Variants in KLRG1 observed in about 807,000 individuals in gnomAD.
The protein encoded by KLRG1 is killer cell lectin like receptor G1.
Under a neutral mutation model 21.8 loss-of-function variants are expected in KLRG1, and 16 were observed. That is an observed-to-expected ratio of 0.73 (90% CI 0.50 to 1.11). The LOEUF is 1.11. Among genes scored for constraint, KLRG1 ranks in the 50% most tolerant of loss-of-function variants. The probability of loss-of-function intolerance (pLI) is 0.00; values close to 1 mark genes in which losing one functional copy is unlikely to be tolerated. For synonymous variants in KLRG1, 69 were observed against 75.9 expected (o/e 0.91, Z 0.47); for missense variants, 173 against 218.3 (o/e 0.79, Z 1.31).
the KLRG1 span, among the ~76,000 whole-genome samples, chr12:9,194,550 T>C: frequency 4.0e-3 from 591 of 149,366 alleles, 1 homozygote; most frequent in African/African-American, 5.7e-3. Context: ...CTGCAAGCTC[T>C]GCCTCCTGGA....
At chr12:9,214,875 G>C in the KLRG1 span, among the ~76,000 whole-genome samples, 1 of 151,796 alleles carries the variant, frequency 6.6e-6, no homozygotes, top group Non-Finnish European at 1.5e-5. Context: ...GGCAACTCTT[G>C]CTTTTGCCTT....
At chr12:8,957,877 A>T (rs771411336) in intron 1 of KLRG1, among the ~76,000 whole-genome samples, 1 of 152,206 alleles carries the variant, frequency 6.6e-6, no homozygotes, top group Admixed American at 6.5e-5. Flanking sequence ...TATTTCTGGA[A>T]TTTTTCATCT....
At chr12:9,137,915 A>T in the KLRG1 span, among the ~76,000 whole-genome samples, 5 of 152,050 alleles carry the variant, frequency 3.3e-5, no homozygotes, top group African/African-American at 1.2e-4. Flanking sequence ...ACAGTTTTTT[A>T]AAATGGAGCC....
At chr12:9,149,558 T>C in the KLRG1 span, 3 of 1,612,390 alleles carry the variant, frequency 1.9e-6, no homozygotes, top group Non-Finnish European at 2.5e-6. Flanking sequence ...GGTGAACTCT[T>C]ACCTGTGCTG....
the KLRG1 span, among the ~76,000 whole-genome samples, chr12:9,061,148 A>G: frequency 2.0e-5 from 3 of 152,104 alleles, no homozygotes; most frequent in Non-Finnish European, 4.4e-5. Context: ...GGATCTCACT[A>G]TGTTGCCCAC....
At chr12:9,091,995 AAGTACTTC>A in the KLRG1 span, among the ~76,000 whole-genome samples, 1 of 152,218 alleles carries the variant, frequency 6.6e-6, no homozygotes, top group African/African-American at 2.4e-5. Flanking sequence ...CGTTTGAAAG[AAGTACTTC>A]AGTACTGAAA....
chr12:9,181,080 A>C, the KLRG1 span: 1 of 1,614,072 alleles, frequency 6.2e-7, no homozygotes. Context: ...TGCTACTTGC[A>C]GGTGGGCATG....
the KLRG1 span, chr12:9,201,072 C>G: frequency 6.2e-7 from 1 of 1,613,410 alleles, no homozygotes; most frequent in South Asian, 1.1e-5. Flanking sequence ...TGAAGGGAAA[C>G]AAGAAACATG....
chr12:8,954,593 A>C (rs1297023969), intron 1 of KLRG1, among the ~76,000 whole-genome samples: 2 of 152,028 alleles, frequency 1.3e-5, no homozygotes, highest in African/African-American at 2.4e-5. Flanking sequence ...CATTTCACCA[A>C]GGGGTCTTGG....
chr12:9,095,583 G>C, the KLRG1 span: 1 of 1,611,852 alleles, frequency 6.2e-7, no homozygotes, highest in African/African-American at 1.3e-5. Flanking sequence ...CTTGATACTG[G>C]AGTATATGTG....
the KLRG1 span, chr12:9,104,542 GT>G: frequency 2.6e-6 from 2 of 782,724 alleles, no homozygotes; most frequent in South Asian, 4.0e-5. Context: ...AAAAAACGAA[GT>G]TTCTTCCATC....
the KLRG1 span, chr12:9,201,047 T>G: frequency 6.2e-7 from 1 of 1,614,042 alleles, no homozygotes; most frequent in South Asian, 1.1e-5. Context: ...TGCAATTCGA[T>G]TTCTTCTTGG....
the KLRG1 span, among the ~76,000 whole-genome samples, chr12:9,039,598 A>G: frequency 6.6e-6 from 1 of 152,186 alleles, no homozygotes; most frequent in Non-Finnish European, 1.5e-5. Flanking sequence ...CTTTCGGTCA[A>G]TGCCAGTAAT....
the KLRG1 span, among the ~76,000 whole-genome samples, chr12:9,206,267 A>G: frequency 6.6e-6 from 1 of 151,438 alleles, no homozygotes; most frequent in Non-Finnish European, 1.5e-5. Flanking sequence ...TTTATAATTT[A>G]TTTACTATTT....
At chr12:9,068,175 T>G in the KLRG1 span, 1 of 1,610,202 alleles carries the variant, frequency 6.2e-7, no homozygotes, top group Non-Finnish European at 8.5e-7. Flanking sequence ...GGAGTGTGAG[T>G]GGCTTACCTT....
the KLRG1 span, chr12:9,162,559 G>A: frequency 6.9e-7 from 1 of 1,458,888 alleles, no homozygotes; most frequent in Non-Finnish European, 9.5e-7. Context: ...CCCCTTTGTG[G>A]TTTTGATCTC....
At chr12:9,148,691 A>G in the KLRG1 span, 109 of 359,640 alleles carry the variant, frequency 3.0e-4, 1 homozygote, top group Admixed American at 4.7e-4. Flanking sequence ...TTTTCATTCA[A>G]TTTCTTTACC....
chr12:9,046,619 A>G, the KLRG1 span, among the ~76,000 whole-genome samples: 1 of 152,228 alleles, frequency 6.6e-6, no homozygotes, highest in Non-Finnish European at 1.5e-5. Context: ...AAAGCATTGA[A>G]AGAAAAAAGT....
the KLRG1 span, among the ~76,000 whole-genome samples, chr12:9,082,288 A>G: frequency 6.6e-6 from 1 of 152,204 alleles, no homozygotes; most frequent in South Asian, 2.1e-4. Context: ...GCCTAACTTC[A>G]GGTCCCAAAT....
Sources: allele counts gnomAD v4.1 joint callset (sites outside exome capture counted in the v4.1 genomes callset), GRCh38; gene constraint gnomAD v4.1.1; transcripts MANE v1.5; gene names NCBI Gene and HGNC (gene_info 2026-07-23, HGNC 2026-07-21).